The following ATP13A4 variants were observed in gnomAD, a reference collection of about 807,000 sequenced individuals.
ATP13A4 encodes ATPase 13A4, also known as probable cation-transporting ATPase 13A4.
ATP13A4 carries 114 observed loss-of-function variants against 142.5 expected under a neutral mutation model. The observed-to-expected ratio is 0.80, with a 90% confidence interval of 0.69 to 0.93. The LOEUF is 0.93. Among genes scored for constraint, ATP13A4 ranks in the 40% least tolerant of loss-of-function variants. The pLI, the probability that ATP13A4 is intolerant of heterozygous loss-of-function variation, is 0.00. For missense variants in ATP13A4, 1,392 were observed against 1,454.0 expected (o/e 0.96, Z 0.69); for synonymous variants, 488 against 514.8 (o/e 0.95, Z 0.70).
chr3:193,502,347 T>C, intron 3 of ATP13A4, 146 bp downstream of exon 3: 1 of 976,748 alleles, frequency 1.0e-6, no homozygotes, highest in Non-Finnish European at 1.6e-6. Context: ...AAGCTGAGAT[T>C]TGGACTGTCT....
At chr3:193,547,004 G>A (rs1723266942) in intron 1 of ATP13A4, among the ~76,000 whole-genome samples, 1 of 151,992 alleles carries the variant, frequency 6.6e-6, no homozygotes, top group Non-Finnish European at 1.5e-5. Flanking sequence ...TTTTCCTTTG[G>A]GGATTAAATG....
chr3:193,500,088 C>A (rs1051855003), intron 3 of ATP13A4, among the ~76,000 whole-genome samples: 1 of 152,154 alleles, frequency 6.6e-6, no homozygotes, highest in African/African-American at 2.4e-5. Context: ...CCTCTGGAAG[C>A]TGGTAAGAGG....
At chr3:193,417,501 A>G (rs2108607183) in intron 25 of ATP13A4, among the ~76,000 whole-genome samples, 1 of 152,362 alleles carries the variant, frequency 6.6e-6, no homozygotes, top group Middle Eastern at 3.4e-3. Context: ...TTCAAACTAC[A>G]CTGTTATAAA....
rs7627322 is a variant in ATP13A4 at position 193,584,507 on chromosome 3, T to G, written n.92-2601A>C. ...AATAGGAAACGAATACCAGCTGAAATCAATTCTACACAGCACACAAGGCTC... is the reference window on the plus strand; with the variant it reads ...AATAGGAAACGAATACCAGCTGAAAGCAATTCTACACAGCACACAAGGCTC... On this transcript the variant is annotated intron_variant and non_coding_transcript_variant, in intron 1 of 3. Coordinates refer to the ATP13A4 transcript ENST00000489140. Among the ~76,000 whole-genome samples, 424 of 152,118 alleles carry G rather than the reference T, an allele frequency of 2.8e-3. 3 individuals are homozygous for G. The highest frequency in any genetic ancestry group is 0.017 in the South Asian group (80 of 4,828).
At chr3:193,454,615 G>A (rs1280844777) in intron 16 of ATP13A4, among the ~76,000 whole-genome samples, 1 of 152,070 alleles carries the variant, frequency 6.6e-6, no homozygotes, top group Admixed American at 6.6e-5. Context: ...ATAAGCATGG[G>A]GAAAGGCTTT....
At chr3:193,489,670 T>A in intron 7 of ATP13A4, 60 bp downstream of exon 7, 1 of 1,547,208 alleles carries the variant, frequency 6.5e-7, no homozygotes, top group South Asian at 1.1e-5. Flanking sequence ...TTCTAACAAA[T>A]TTTTAATAAA....
intron 2 of ATP13A4, among the ~76,000 whole-genome samples, chr3:193,567,561 AAG>A (rs377538362): frequency 3.9e-4 from 59 of 152,332 alleles, no homozygotes; most frequent in African/African-American, 1.4e-3. Flanking sequence ...CCAGAAATGT[AAG>A]AGAGTTTAAA....
rs114073025 is a variant in ATP13A4 at position 193,592,249 on chromosome 3, A to G, written n.91+772T>C. ...TTGGCTTCATAACCGTTCACAGGCC[A>G]CATCCCTTTTACGGGCCCTGGTTTC... On this transcript the variant is annotated intron_variant and non_coding_transcript_variant, in intron 1 of 3. Coordinates refer to the ATP13A4 transcript ENST00000489140. 4.0e-3 allele frequency among the ~76,000 whole-genome samples: 604 copies of G among 152,212 alleles called. 4 individuals are homozygous for G. Among genetic ancestry groups the G allele is most frequent in the African/African-American group, 0.014 (573 of 41,538 alleles).
intron 26 of ATP13A4, among the ~76,000 whole-genome samples, chr3:193,413,954 C>A (rs1352890991): frequency 1.3e-5 from 2 of 152,302 alleles, no homozygotes; most frequent in Admixed American, 1.3e-4. Flanking sequence ...ACCCCCTCCC[C>A]TTTTGGAGTC....
At chr3:193,414,017 G>A (rs563868044) in intron 26 of ATP13A4, among the ~76,000 whole-genome samples, 29 of 152,176 alleles carry the variant, frequency 1.9e-4, no homozygotes, top group African/African-American at 6.3e-4. Context: ...CGGTCCTACC[G>A]ATATGTGATG....
At chr3:193,523,645 T>C (rs1721844404) in intron 1 of ATP13A4, among the ~76,000 whole-genome samples, 1 of 152,142 alleles carries the variant, frequency 6.6e-6, no homozygotes, top group Non-Finnish European at 1.5e-5. Context: ...GGTGCTAGAG[T>C]CTTCCAGACC....
At chr3:193,507,018 A>G (rs1720896237) in intron 2 of ATP13A4, among the ~76,000 whole-genome samples, 1 of 152,216 alleles carries the variant, frequency 6.6e-6, no homozygotes, top group African/African-American at 2.4e-5. Context: ...TTGAAATTTA[A>G]AAGCAATATA....
At chr3:193,424,347 G>A (rs1241338398) in intron 25 of ATP13A4, among the ~76,000 whole-genome samples, 2 of 148,994 alleles carry the variant, frequency 1.3e-5, no homozygotes, top group African/African-American at 4.9e-5. Context: ...AATGTATAGG[G>A]ACCACAAAAG....
Position 193,497,963 on chromosome 3 carries a change from T to C in ATP13A4, c.381+4530A>G, listed in dbSNP as rs545130747. 7.9e-5 allele frequency among the ~76,000 whole-genome samples: 12 copies of C among 152,156 alleles called. No homozygotes were observed. The East Asian group carries it at 2.3e-3, about 29-fold the overall frequency. ...AGGAAGATTGGTCAACAGTACAAAG[T>C]TATAGTTAGATAGAAGGAATAAATT... On this transcript the variant is annotated intron_variant, in intron 3 of 29. Transcript: ENST00000342695.
intron 1 of ATP13A4, among the ~76,000 whole-genome samples, chr3:193,541,200 G>A (rs1397887652): frequency 2.5e-4 from 34 of 135,546 alleles, no homozygotes; most frequent in African/African-American, 8.5e-4. Context: ...AGTGAGCCGA[G>A]ATCGAGCCAC....
At chr3:193,556,905 T>C (rs1310900938), upstream of ATP13A4, among the ~76,000 whole-genome samples, 1 of 152,186 alleles carries the variant, frequency 6.6e-6, no homozygotes, top group Non-Finnish European at 1.5e-5. Flanking sequence ...TCTCAACTGA[T>C]GGAGGTTGAG....
At chr3:193,550,043 A>T (rs1032587581) in intron 1 of ATP13A4, among the ~76,000 whole-genome samples, 1 of 152,190 alleles carries the variant, frequency 6.6e-6, no homozygotes, top group Admixed American at 6.5e-5. Flanking sequence ...GTATTTAACA[A>T]ATGGCCTTCA....
In ATP13A4 at chr3:193,441,473, A is replaced by T; in HGVS notation, c.2432T>A (p.Leu811Gln). 1 of 1,613,842 alleles carries T rather than the reference A, an allele frequency of 6.2e-7. No homozygotes were observed. The highest frequency in any genetic ancestry group is 8.5e-7 in the Non-Finnish European group (1 of 1,179,796). Residue 811 changes from leucine to glutamine, a missense_variant, in exon 20 of 30, where the codon CTG becomes CAG. Leu to Gln is a moderately radical substitution (Grantham distance 113, BLOSUM62 -2). Transcript: ENST00000342695. ...CACCCTCTTAGAACTTACCTTTGGC[A>T]GTAGGCTGCTGAAATGTTGACTTAT... The part of the protein sequence containing the change: ...HVISQHFSSL[L>Q]PKILINGTIF...
In ATP13A4 at chr3:193,433,826, A is replaced by T. The variant is rs761187022; in HGVS notation, c.2842+19T>A. On this transcript the variant is annotated intron_variant, in intron 25 of 29. Coordinates refer to ENST00000342695, the MANE Select transcript of ATP13A4 (RefSeq NM_032279.4). ...GCTGAGGGTAGCACCTCTGGTAAGA[A>T]AGTTTTAAAATGTCTTACTTGTTAC... 3.8e-6 allele frequency: 6 copies of T among 1,599,774 alleles called. No individual in the cohort carries two copies. The highest frequency in any genetic ancestry group is 5.1e-6 in the Non-Finnish European group (6 of 1,166,958).
Sources: allele counts gnomAD v4.1 joint callset (sites outside exome capture counted in the v4.1 genomes callset), GRCh38; gene constraint gnomAD v4.1.1; transcripts MANE v1.5; gene names NCBI Gene and HGNC (gene_info 2026-07-23, HGNC 2026-07-21).